Variants in RAB38 observed in about 807,000 individuals in gnomAD.
RAB38 encodes RAB38, member RAS oncogene family.
Under a neutral mutation model 18.4 loss-of-function variants are expected in RAB38, and 15 were observed. That is an observed-to-expected ratio of 0.82 (90% CI 0.55 to 1.26). The LOEUF (loss-of-function observed/expected upper bound fraction) is 1.26, where lower values mean the gene tolerates loss of function less well. Among genes scored for constraint, RAB38 ranks in the 50% most tolerant of loss-of-function variants. The pLI is 0.00. For missense variants in RAB38, 294 were observed against 267.4 expected (o/e 1.10, Z -0.69); for synonymous variants, 101 against 104.4 (o/e 0.97, Z 0.20).
At chr11:87,865,766 C>T in the RAB38 span, among the ~76,000 whole-genome samples, 1 of 151,656 alleles carries the variant, frequency 6.6e-6, no homozygotes, top group Non-Finnish European at 1.5e-5. Flanking sequence ...AGTCCGCAGA[C>T]TTGGAAAACC....
chr11:87,974,218 T>C, the RAB38 span, among the ~76,000 whole-genome samples: 164 of 151,830 alleles, frequency 1.1e-3, no homozygotes, highest in Middle Eastern at 3.4e-3. Flanking sequence ...GTAAGTATGT[T>C]CTCAAGTACT....
chr11:88,154,862 C>A (rs1483153588), intron 1 of RAB38, among the ~76,000 whole-genome samples: 1 of 152,208 alleles, frequency 6.6e-6, no homozygotes, highest in Non-Finnish European at 1.5e-5. Flanking sequence ...AAGGTACTCT[C>A]TGCTCCATGC....
chr11:88,136,612 G>A (rs1942838779), intron 2 of RAB38, among the ~76,000 whole-genome samples: 1 of 152,166 alleles, frequency 6.6e-6, no homozygotes, highest in Non-Finnish European at 1.5e-5. Flanking sequence ...TGGAAAGAAT[G>A]AGAACATGTG....
the RAB38 span, among the ~76,000 whole-genome samples, chr11:87,859,475 T>C: frequency 6.6e-6 from 1 of 152,012 alleles, no homozygotes; most frequent in Admixed American, 6.6e-5. Context: ...TTAAGACACC[T>C]TGATGGTTGG....
the RAB38 span, among the ~76,000 whole-genome samples, chr11:88,091,319 C>T: frequency 6.6e-6 from 1 of 152,004 alleles, no homozygotes; most frequent in Non-Finnish European, 1.5e-5. Context: ...GACCAGTGAC[C>T]TGATAGCCTA....
At chr11:87,934,005 G>A in the RAB38 span, among the ~76,000 whole-genome samples, 1 of 151,996 alleles carries the variant, frequency 6.6e-6, no homozygotes, top group African/African-American at 2.4e-5. Flanking sequence ...TTAGTCTGGG[G>A]TTTCTACCAT....
chr11:87,960,436 G>A, the RAB38 span, among the ~76,000 whole-genome samples: 1 of 151,656 alleles, frequency 6.6e-6, no homozygotes, highest in Non-Finnish European at 1.5e-5. Flanking sequence ...CAGAAGCCCT[G>A]GGCATGACTG....
the RAB38 span, chr11:87,815,923 T>C: frequency 2.0e-5 from 3 of 152,466 alleles, no homozygotes; most frequent in Admixed American, 6.5e-5. Flanking sequence ...AATAGCGGAC[T>C]ATTCAGTCAT....
chr11:88,050,935 G>C, the RAB38 span, among the ~76,000 whole-genome samples: 1 of 152,152 alleles, frequency 6.6e-6, no homozygotes, highest in Non-Finnish European at 1.5e-5. Flanking sequence ...CCAGATGGAG[G>C]TGCAGTTGTA....
the RAB38 span, among the ~76,000 whole-genome samples, chr11:88,094,593 A>T: frequency 6.6e-6 from 1 of 151,534 alleles, no homozygotes; most frequent in Non-Finnish European, 1.5e-5. Context: ...CATTATGTGA[A>T]CTCTTTTACA....
chr11:87,973,486 A>T, the RAB38 span, among the ~76,000 whole-genome samples: 1 of 151,974 alleles, frequency 6.6e-6, no homozygotes, highest in East Asian at 1.9e-4. Flanking sequence ...CACATGTGCC[A>T]ATGTTCTAGG....
At chr11:88,065,660 C>T in the RAB38 span, among the ~76,000 whole-genome samples, 1 of 152,192 alleles carries the variant, frequency 6.6e-6, no homozygotes, top group Non-Finnish European at 1.5e-5. Flanking sequence ...ATTAACCCAG[C>T]TAACATGTTT....
At chr11:87,844,265 T>C in the RAB38 span, among the ~76,000 whole-genome samples, 1 of 152,214 alleles carries the variant, frequency 6.6e-6, no homozygotes, top group East Asian at 1.9e-4. Context: ...GGATAGTAAT[T>C]CATTTAGAAC....
At chr11:88,029,253 C>A in the RAB38 span, among the ~76,000 whole-genome samples, 1 of 152,024 alleles carries the variant, frequency 6.6e-6, no homozygotes, top group Non-Finnish European at 1.5e-5. Context: ...AAGGAACAAC[C>A]GGTACCAGCT....
the RAB38 span, among the ~76,000 whole-genome samples, chr11:88,044,263 T>C: frequency 3.7e-3 from 558 of 152,286 alleles, 5 homozygotes; most frequent in Admixed American, 4.7e-3. Flanking sequence ...TAGCAGAAAG[T>C]ACTGCTTCTC....
the RAB38 span, among the ~76,000 whole-genome samples, chr11:87,914,869 T>C: frequency 1.3e-5 from 2 of 152,154 alleles, no homozygotes; most frequent in African/African-American, 4.8e-5. Context: ...AGGCTTCCAC[T>C]TTGGAGCAGT....
the RAB38 span, among the ~76,000 whole-genome samples, chr11:88,066,694 T>G: frequency 2.0e-5 from 3 of 152,180 alleles, no homozygotes; most frequent in Non-Finnish European, 4.4e-5. Context: ...CATCTGAACA[T>G]TCTGGTCCTT....
chr11:87,965,172 T>C, the RAB38 span, among the ~76,000 whole-genome samples: 1 of 152,086 alleles, frequency 6.6e-6, no homozygotes, highest in African/African-American at 2.4e-5. Context: ...TCACCCTCAG[T>C]TGAGAACCAC....
the RAB38 span, among the ~76,000 whole-genome samples, chr11:88,077,474 A>C: frequency 6.6e-5 from 10 of 152,140 alleles, no homozygotes; most frequent in African/African-American, 2.4e-4. Context: ...AATAGAACAG[A>C]ATGCAGAACC....
Sources: allele counts gnomAD v4.1 joint callset (sites outside exome capture counted in the v4.1 genomes callset), GRCh38; gene constraint gnomAD v4.1.1; transcripts MANE v1.5; gene names NCBI Gene and HGNC (gene_info 2026-07-23, HGNC 2026-07-21).